The following FARP1 variants were observed in gnomAD, a reference collection of about 807,000 sequenced individuals.
FARP1 encodes FERM, ARH/RhoGEF and pleckstrin domain protein 1.
In FARP1, 52 loss-of-function variants were observed where a neutral mutation model predicts 128.8. The observed-to-expected ratio is 0.40, with a 90% confidence interval of 0.32 to 0.51. The LOEUF (loss-of-function observed/expected upper bound fraction) is 0.51. Among genes scored for constraint, FARP1 ranks in the 20% least tolerant of loss-of-function variants. FARP1 has a pLI of 0.45. For synonymous variants in FARP1, 580 were observed against 551.8 expected, an observed-to-expected ratio of 1.05 and a Z score of -0.72; for missense variants, 1,333 against 1,367.9, an observed-to-expected ratio of 0.97 and a Z score of 0.40.
intron 13 of FARP1, chr13:98,398,019 C>A (rs1890620439): frequency 6.6e-6 from 1 of 151,806 alleles, no homozygotes; most frequent in Non-Finnish European, 1.5e-5. Flanking sequence ...CATACCAGGG[C>A]CTCACTGGGC....
chr13:98,366,153 A>G (rs187044880), intron 4 of FARP1, among the ~76,000 whole-genome samples: 95 of 152,268 alleles, frequency 6.2e-4, no homozygotes, highest in African/African-American at 2.3e-3. Flanking sequence ...CTGGACAAAA[A>G]TCTGAGAATA....
At chr13:98,179,859 AAAAAC>A (rs113820383) in intron 1 of FARP1, among the ~76,000 whole-genome samples, 20 of 151,514 alleles carry the variant, frequency 1.3e-4, no homozygotes, top group African/African-American at 2.7e-4. Flanking sequence ...TCCATCTCAA[AAAAAC>A]AAAACAAAAC....
chr13:98,334,625 C>T (rs1887664035), intron 2 of FARP1, among the ~76,000 whole-genome samples: 1 of 152,050 alleles, frequency 6.6e-6, no homozygotes, highest in Non-Finnish European at 1.5e-5. Context: ...AATTGTACTC[C>T]CCACCCTAAT....
At chr13:98,213,570 G>T (rs528298243) in intron 2 of FARP1, among the ~76,000 whole-genome samples, 157 bp downstream of exon 2, 4 of 152,006 alleles carry the variant, frequency 2.6e-5, no homozygotes, top group Admixed American at 2.0e-4. Flanking sequence ...CCGCTGACCC[G>T]TTCTGGTTTC....
chr13:98,284,683 T>A (rs1885084103), intron 2 of FARP1, among the ~76,000 whole-genome samples: 1 of 152,160 alleles, frequency 6.6e-6, no homozygotes. Context: ...TCCCTCAATG[T>A]TTTTTCCTGA....
At chr13:98,368,308 C>G in intron 5 of FARP1, 113 bp downstream of exon 5, 1 of 769,678 alleles carries the variant, frequency 1.3e-6, no homozygotes, top group Non-Finnish European at 2.2e-6. Flanking sequence ...TGACCAGCAT[C>G]TGTTCTGTAC....
At chr13:98,181,689 C>T (rs925433783) in intron 1 of FARP1, among the ~76,000 whole-genome samples, 4 of 150,186 alleles carry the variant, frequency 2.7e-5, no homozygotes, top group Admixed American at 6.7e-5. Flanking sequence ...GGGTGTGTGG[C>T]GCAATCACAG....
chr13:98,322,033 C>T (rs561244309), intron 2 of FARP1, among the ~76,000 whole-genome samples: 7 of 152,348 alleles, frequency 4.6e-5, no homozygotes, highest in African/African-American at 1.7e-4. Context: ...AGCGGTGGCT[C>T]ACGCCTTTAG....
chr13:98,304,150 A>G (rs1382137245), intron 2 of FARP1, among the ~76,000 whole-genome samples: 1 of 152,010 alleles, frequency 6.6e-6, no homozygotes, highest in African/African-American at 2.4e-5. Context: ...GGGTAGATTC[A>G]TCTTGGTGTA....
chr13:98,340,748 TG>T (rs1370579140), intron 2 of FARP1: 2 of 152,206 alleles, frequency 1.3e-5, no homozygotes, highest in African/African-American at 4.8e-5. Context: ...GCAGCTGGTG[TG>T]GGGACTCAAA....
intron 2 of FARP1, among the ~76,000 whole-genome samples, chr13:98,286,850 C>G (rs1885193858): frequency 6.6e-6 from 1 of 152,142 alleles, no homozygotes. Flanking sequence ...AGAATAATAA[C>G]AGAATTTTGG....
At position 98,349,832 on chromosome 13, in the gene FARP1, A is replaced by G. The variant is rs148976350; in HGVS notation, c.276+5966A>G. Among the ~76,000 whole-genome samples, 6 of 152,274 alleles carry G rather than the reference A, an allele frequency of 3.9e-5. No individual in the cohort carries two copies. The East Asian group carries it at 7.7e-4, about 20-fold the overall frequency. On this transcript the variant is annotated intron_variant, in intron 3 of 26. Coordinates refer to ENST00000319562, the MANE Select transcript of FARP1 (RefSeq NM_005766.4). Reference sequence around the variant, plus strand: ...CCATGCTAGGAGAAAAGCTTTGTCAATAGTGGGACTGCTTTTGAGGGGCAG... The same window carrying G: ...CCATGCTAGGAGAAAAGCTTTGTCAGTAGTGGGACTGCTTTTGAGGGGCAG...
chr13:98,273,510 A>G (rs74108731), intron 2 of FARP1, among the ~76,000 whole-genome samples: 7,809 of 152,186 alleles, frequency 0.051, 618 homozygotes, highest in African/African-American at 0.17. Context: ...GGTTCTTCTG[A>G]GGTCCCGTTA....
intron 1 of FARP1, among the ~76,000 whole-genome samples, chr13:98,160,380 C>T (rs1343784375): frequency 1.3e-5 from 2 of 152,084 alleles, no homozygotes; most frequent in East Asian, 1.9e-4. Flanking sequence ...CTTGGGTAGA[C>T]CAGCCATCCT....
intron 17 of FARP1, among the ~76,000 whole-genome samples, chr13:98,430,386 C>T (rs1891965182): frequency 6.6e-6 from 1 of 152,236 alleles, no homozygotes; most frequent in Admixed American, 6.5e-5. Context: ...CCTCTGCTCT[C>T]CCCCTATCTG....
intron 2 of FARP1, among the ~76,000 whole-genome samples, chr13:98,333,436 T>TACACACACACACAC (rs60264788): frequency 3.6e-4 from 51 of 139,748 alleles, no homozygotes; most frequent in South Asian, 9.9e-4. Flanking sequence ...CCCCCACATG[T>TACACACACACACAC]ACACACACAC....
intron 6 of FARP1, among the ~76,000 whole-genome samples, chr13:98,380,425 T>TA (rs548146531): frequency 0.088 from 11,780 of 134,078 alleles, 564 homozygotes; most frequent in Non-Finnish European, 0.13. Flanking sequence ...AGACTCTGTC[T>TA]AAAAAAAAAA....
chr13:98,422,589 T>C (rs545800974), intron 16 of FARP1, among the ~76,000 whole-genome samples: 6 of 152,300 alleles, frequency 3.9e-5, no homozygotes, highest in Admixed American at 1.3e-4. Context: ...GTGATGTAAT[T>C]TGCACTATAT....
chr13:98,437,610 C>G (rs1413519559), intron 19 of FARP1, among the ~76,000 whole-genome samples: 1 of 152,156 alleles, frequency 6.6e-6, no homozygotes, highest in Non-Finnish European at 1.5e-5. Flanking sequence ...GCAGCGAACT[C>G]ACTTGCGTTT....
Sources: allele counts gnomAD v4.1 joint callset (sites outside exome capture counted in the v4.1 genomes callset), GRCh38; gene constraint gnomAD v4.1.1; transcripts MANE v1.5; gene names NCBI Gene and HGNC (gene_info 2026-07-23, HGNC 2026-07-21).